The following PPM1E variants were observed in gnomAD, a reference collection of about 807,000 sequenced individuals.
PPM1E encodes the protein protein phosphatase 1E.
Under a neutral mutation model 65.9 loss-of-function variants are expected in PPM1E, and 20 were observed. The observed-to-expected ratio is 0.30, with a 90% CI of 0.21 to 0.44. PPM1E has a LOEUF of 0.44. Ranked by LOEUF, PPM1E falls within the 20% of genes least tolerant of loss-of-function variation. The pLI, the probability that PPM1E is intolerant of heterozygous loss-of-function variation, is 1.00. For missense variants in PPM1E, 713 were observed against 953.1 expected, an observed-to-expected ratio of 0.75 and a Z score of 3.32; for synonymous variants, 352 against 374.9, an observed-to-expected ratio of 0.94 and a Z score of 0.70.
intron 1 of PPM1E, among the ~76,000 whole-genome samples, chr17:58,807,845 G>A (rs1426845050): frequency 6.6e-6 from 1 of 152,166 alleles, no homozygotes; most frequent in African/African-American, 2.4e-5. Context: ...AATGAAATAA[G>A]CATTTACACA....
chr17:58,922,611 T>C (rs918578254), intron 1 of PPM1E, among the ~76,000 whole-genome samples: 2 of 152,084 alleles, frequency 1.3e-5, no homozygotes, highest in African/African-American at 4.8e-5. Context: ...ACCTGTGCCC[T>C]ATTGAGAATT....
chr17:58,830,615 A>G (rs1231874508), intron 1 of PPM1E, among the ~76,000 whole-genome samples: 3 of 151,824 alleles, frequency 2.0e-5, no homozygotes, highest in South Asian at 4.2e-4. Context: ...CTTCAGTGTT[A>G]TTATTGAGAA....
chr17:58,907,794 A>G (rs1170179107), intron 1 of PPM1E, among the ~76,000 whole-genome samples: 1 of 152,294 alleles, frequency 6.6e-6, no homozygotes, highest in East Asian at 1.9e-4. Flanking sequence ...TCTGTCTGAA[A>G]TTAAGTATCT....
intron 1 of PPM1E, among the ~76,000 whole-genome samples, chr17:58,933,994 C>T (rs2051941002): frequency 6.7e-6 from 1 of 149,678 alleles, no homozygotes; most frequent in Admixed American, 6.8e-5. Context: ...ACTTCGGAGG[C>T]TGACGCAGGA....
intron 1 of PPM1E, among the ~76,000 whole-genome samples, chr17:58,807,857 A>G (rs1362203058): frequency 6.6e-6 from 1 of 152,220 alleles, no homozygotes; most frequent in Non-Finnish European, 1.5e-5. Flanking sequence ...ATTTACACAT[A>G]CCAGACTTAC....
At position 58,983,599 on chromosome 17, in the gene PPM1E, G is replaced by A. The variant is rs2031520267; in HGVS notation, c.*2568G>A. On this transcript the variant is annotated 3_prime_UTR_variant, in exon 7 of 7. Transcript: ENST00000308249. The stretch of plus-strand genomic sequence containing the variant: ...TGTATTTAATGATGGTGTACCTGGT[G>A]ATTGTAAAAATATTAGACAGATATA... 6.6e-6 allele frequency: 1 copy of A among 152,590 alleles called. No homozygotes were observed. Among genetic ancestry groups the A allele is most frequent in the Non-Finnish European group, 1.5e-5 (1 of 68,026 alleles). 9.5% of individuals were successfully genotyped at this position (152,590 alleles called of 1,614,324 possible).
chr17:58,940,417 G>A (rs1046687908), intron 1 of PPM1E, among the ~76,000 whole-genome samples: 18 of 152,178 alleles, frequency 1.2e-4, no homozygotes, highest in African/African-American at 4.1e-4. Context: ...GAAGCATCTA[G>A]CTTAATGTTT....
At chr17:58,852,902 T>C (rs775348597) in intron 1 of PPM1E, among the ~76,000 whole-genome samples, 4 of 152,112 alleles carry the variant, frequency 2.6e-5, no homozygotes, top group Non-Finnish European at 5.9e-5. Context: ...ACGCCTGGTC[T>C]ACCATTTGTA....
rs527939508 is a variant in PPM1E at position 58,969,521 on chromosome 17, C to G, written c.784-18C>G. Reference sequence around the variant, plus strand: ...GCTATACCCAACTCCCATAACTGTTCTGTGTTTCTGTTGACAGGACCAGGA... The same window carrying G: ...GCTATACCCAACTCCCATAACTGTTGTGTGTTTCTGTTGACAGGACCAGGA... On this transcript the variant is annotated intron_variant, in intron 3 of 6. Transcript: ENST00000308249. 2 of 1,613,624 alleles carry G rather than the reference C, an allele frequency of 1.2e-6. No homozygotes were observed. Among genetic ancestry groups the G allele is most frequent in the African/African-American group, 1.3e-5 (1 of 75,022 alleles).
In PPM1E at chr17:58,818,045, A is replaced by C. The variant is rs115000614; in HGVS notation, c.464+61584A>C. 6.5e-3 allele frequency among the ~76,000 whole-genome samples: 991 copies of C among 152,228 alleles called. 6 individuals are homozygous for C. The highest frequency in any genetic ancestry group is 0.022 in the African/African-American group (930 of 41,552). ...TGAGCCACCGCGCCCGGCCCACTCTAGTTTTTTTCTAAAGTTAAATCTGTA... is the reference window on the plus strand; with the variant it reads ...TGAGCCACCGCGCCCGGCCCACTCTCGTTTTTTTCTAAAGTTAAATCTGTA... On this transcript the variant is annotated intron_variant, in intron 1 of 6. Transcript: ENST00000308249.
intron 1 of PPM1E, among the ~76,000 whole-genome samples, chr17:58,906,010 A>G (rs1364533654): frequency 3.3e-5 from 5 of 152,226 alleles, no homozygotes; most frequent in African/African-American, 1.2e-4. Flanking sequence ...ATCAATTTAG[A>G]CCTATTCAGA....
chr17:58,849,835 C>G (rs921686537), intron 1 of PPM1E, among the ~76,000 whole-genome samples: 2 of 152,098 alleles, frequency 1.3e-5, no homozygotes, highest in Non-Finnish European at 2.9e-5. Context: ...CCTGGATATC[C>G]TTGTTAATTT....
intron 1 of PPM1E, among the ~76,000 whole-genome samples, chr17:58,812,344 A>G (rs1265347736): frequency 6.7e-6 from 1 of 149,724 alleles, no homozygotes; most frequent in African/African-American, 2.5e-5. Flanking sequence ...AGGGAGTTCT[A>G]ATATAGTCTG....
intron 1 of PPM1E, among the ~76,000 whole-genome samples, chr17:58,931,065 T>TAA (rs2051888312): frequency 5.0e-5 from 3 of 60,586 alleles, no homozygotes; most frequent in Admixed American, 1.6e-4. Context: ...AATACAAAAA[T>TAA]TAAAAAAAAA....
At chr17:58,944,590 A>G (rs909304851) in intron 1 of PPM1E, among the ~76,000 whole-genome samples, 1 of 152,192 alleles carries the variant, frequency 6.6e-6, no homozygotes, top group African/African-American at 2.4e-5. Flanking sequence ...TATAAATTCT[A>G]CAATAAGTGG....
chr17:58,824,719 G>C (rs941027217), intron 1 of PPM1E, among the ~76,000 whole-genome samples: 9 of 150,996 alleles, frequency 6.0e-5, no homozygotes, highest in African/African-American at 2.2e-4. Context: ...CTCCCGAGTA[G>C]CTGGGACTAC....
chr17:58,851,880 G>A (rs950128245), intron 1 of PPM1E, among the ~76,000 whole-genome samples: 2 of 152,212 alleles, frequency 1.3e-5, no homozygotes, highest in Admixed American at 1.3e-4. Flanking sequence ...TCCCAGAGGT[G>A]GAGTCTACAG....
intron 1 of PPM1E, among the ~76,000 whole-genome samples, chr17:58,882,088 C>A (rs2051201998): frequency 6.6e-6 from 1 of 151,712 alleles, no homozygotes; most frequent in Non-Finnish European, 1.5e-5. Context: ...GAAGTATCAC[C>A]TGATCCCAGG....
chr17:58,908,329 T>A (rs1370665466), intron 1 of PPM1E, among the ~76,000 whole-genome samples: 1 of 152,188 alleles, frequency 6.6e-6, no homozygotes, highest in Non-Finnish European at 1.5e-5. Flanking sequence ...TCTGCCCACC[T>A]TGGCCTCCCA....
Sources: gnomAD v4.1 joint callset for allele counts (sites outside exome capture counted in the v4.1 genomes callset) on GRCh38, gnomAD v4.1.1 for gene constraint, MANE v1.5 for transcripts, NCBI Gene and HGNC (gene_info 2026-07-23, HGNC 2026-07-21) for gene names.